Variants in MAN2A1 observed in about 807,000 individuals in gnomAD.
MAN2A1 encodes alpha-mannosidase 2.
Under a neutral mutation model 142.6 loss-of-function variants are expected in MAN2A1, and 76 were observed. The ratio of observed to expected loss-of-function variants is 0.53; its 90% confidence interval spans 0.44 to 0.65. The LOEUF (loss-of-function observed/expected upper bound fraction) is 0.65, where lower values mean the gene tolerates loss of function less well. Ranked by LOEUF, MAN2A1 falls within the 30% of genes least tolerant of loss-of-function variation. The pLI, the probability that MAN2A1 is intolerant of heterozygous loss-of-function variation, is 0.00. For missense variants in MAN2A1, 1,311 were observed against 1,365.1 expected, an observed-to-expected ratio of 0.96 and a Z score of 0.62; for synonymous variants, 559 against 473.2, an observed-to-expected ratio of 1.18 and a Z score of -2.35.
chr5:109,817,855 T>C (rs1754511018), intron 13 of MAN2A1, among the ~76,000 whole-genome samples: 1 of 152,168 alleles, frequency 6.6e-6, no homozygotes, highest in African/African-American at 2.4e-5. Context: ...AGGTTTTCAT[T>C]GCAAAGGTGA....
At chr5:109,829,099 C>T (rs568246710) in intron 16 of MAN2A1, among the ~76,000 whole-genome samples, 48 of 152,274 alleles carry the variant, frequency 3.2e-4, no homozygotes, top group South Asian at 4.1e-4. Context: ...AAGTTCATGA[C>T]GCTTTTGTAA....
At chr5:109,854,030 T>C (rs185048132) in intron 19 of MAN2A1, 1 of 152,306 alleles carries the variant, frequency 6.6e-6, no homozygotes, top group East Asian at 1.9e-4. Context: ...TAATCTGACA[T>C]TCTGAATTTT....
chr5:109,725,436 T>C (rs190885203), intron 3 of MAN2A1, among the ~76,000 whole-genome samples: 1 of 152,314 alleles, frequency 6.6e-6, no homozygotes, highest in Non-Finnish European at 1.5e-5. Context: ...GGCCACTGTT[T>C]AGGCTAGAGA....
chr5:109,750,538 T>C (rs1402246025), intron 4 of MAN2A1, among the ~76,000 whole-genome samples: 3 of 152,066 alleles, frequency 2.0e-5, no homozygotes, highest in African/African-American at 4.8e-5. Flanking sequence ...CCATGGGATG[T>C]TTTGTTCTAT....
intron 16 of MAN2A1, among the ~76,000 whole-genome samples, chr5:109,836,743 T>C (rs1755067275): frequency 6.6e-6 from 1 of 152,184 alleles, no homozygotes; most frequent in Admixed American, 6.5e-5. Flanking sequence ...ATAATATATA[T>C]GTGTACTCTT....
In MAN2A1 at chr5:109,734,791, C is replaced by G. The variant is rs200689668; in HGVS notation, c.707+5278C>G. Among the ~76,000 whole-genome samples, 13 of 152,168 alleles carry G rather than the reference C, an allele frequency of 8.5e-5. No individual in the cohort carries two copies. The East Asian group carries it at 1.5e-3, about 18-fold the overall frequency. ...TTGCTGAGGAGGGCTTTACTTCCAACTATGTGGTCAATTTTGGAATAGGTG... is the reference window on the plus strand; with the variant it reads ...TTGCTGAGGAGGGCTTTACTTCCAAGTATGTGGTCAATTTTGGAATAGGTG... On this transcript the variant is annotated intron_variant, in intron 4 of 21. Coordinates refer to ENST00000261483, the MANE Select transcript of MAN2A1 (RefSeq NM_002372.4).
Position 109,847,810 on chromosome 5 carries a change from ATGATCTGATAT to A in MAN2A1, c.2976+25_2976+35del, listed in dbSNP as rs2112764946. 6.8e-7 allele frequency: 1 copy of A among 1,476,184 alleles called. No homozygotes were observed. Among genetic ancestry groups the A allele is most frequent in the East Asian group, 2.6e-5 (1 of 39,152 alleles). The allele number at this position is 1,476,184 out of a possible 1,614,324, so 91.4% of individuals were successfully genotyped here. ...AATACGGTATGAAAAAATAACTAGCATGATCTGATATTGATTGTTCTTTGTCACCCAAAACT... is the reference window on the plus strand; with the variant it reads ...AATACGGTATGAAAAAATAACTAGCATGATTGTTCTTTGTCACCCAAAACT... On this transcript the variant is annotated intron_variant, in intron 19 of 21. Transcript: ENST00000261483.
At chr5:109,808,179 T>G (rs1373010525) in intron 12 of MAN2A1, among the ~76,000 whole-genome samples, 1 of 152,222 alleles carries the variant, frequency 6.6e-6, no homozygotes, top group Non-Finnish European at 1.5e-5. Flanking sequence ...ATTTCCCGTA[T>G]ATCTGTGTCT....
intron 5 of MAN2A1, among the ~76,000 whole-genome samples, chr5:109,762,751 A>G (rs1304250442): frequency 6.6e-6 from 1 of 152,178 alleles, no homozygotes; most frequent in East Asian, 1.9e-4. Context: ...TCTTTCCTCC[A>G]TCCCAAATAG....
At chr5:109,833,944 C>A (rs1478727829) in intron 16 of MAN2A1, among the ~76,000 whole-genome samples, 2 of 152,166 alleles carry the variant, frequency 1.3e-5, no homozygotes, top group African/African-American at 4.8e-5. Context: ...AAAGTCCAGT[C>A]AGACACCAAT....
intron 3 of MAN2A1, among the ~76,000 whole-genome samples, chr5:109,721,704 C>T (rs898208988): frequency 6.6e-6 from 1 of 152,244 alleles, no homozygotes; most frequent in Non-Finnish European, 1.5e-5. Flanking sequence ...ATGGTTTGGT[C>T]TCTCATTGGA....
At chr5:109,855,593 G>C (rs1361057009) in intron 20 of MAN2A1, among the ~76,000 whole-genome samples, 1 of 152,054 alleles carries the variant, frequency 6.6e-6, no homozygotes, top group Non-Finnish European at 1.5e-5. Flanking sequence ...GGGCAATCTG[G>C]GCCTTAAGTT....
At chr5:109,817,650 A>G (rs1056797111) in intron 13 of MAN2A1, among the ~76,000 whole-genome samples, 11 of 152,264 alleles carry the variant, frequency 7.2e-5, no homozygotes, top group African/African-American at 2.6e-4. Context: ...CTTTGTTAGT[A>G]TATATATTGT....
At position 109,767,726 on chromosome 5, in the gene MAN2A1, A is replaced by T; in HGVS notation, c.1009+18A>T. 1 of 1,602,842 alleles carries T rather than the reference A, an allele frequency of 6.2e-7. No homozygotes were observed. The highest frequency in any genetic ancestry group is 8.5e-7 in the Non-Finnish European group (1 of 1,176,846). ...GAATTGGGGTATGTAGGGTTTGATG[A>T]AAGTTGATCCCATTTGGCCTAGATA... On this transcript the variant is annotated intron_variant, in intron 6 of 21. Coordinates refer to ENST00000261483, the MANE Select transcript of MAN2A1 (RefSeq NM_002372.4).
intron 12 of MAN2A1, among the ~76,000 whole-genome samples, chr5:109,797,979 GA>G: frequency 6.6e-6 from 1 of 152,194 alleles, no homozygotes; most frequent in Non-Finnish European, 1.5e-5. Context: ...TTTTTAAAAA[GA>G]AATTTTAAAA....
intron 12 of MAN2A1, among the ~76,000 whole-genome samples, chr5:109,795,565 C>T (rs1753837499): frequency 6.6e-6 from 1 of 152,088 alleles, no homozygotes; most frequent in Admixed American, 6.6e-5. Flanking sequence ...AAGATGTCCA[C>T]AAACTACAAA....
intron 17 of MAN2A1, among the ~76,000 whole-genome samples, chr5:109,843,700 A>C (rs950271049): frequency 6.6e-6 from 1 of 152,192 alleles, no homozygotes; most frequent in African/African-American, 2.4e-5. Context: ...GAAATGTTTC[A>C]AATTGTAGTA....
intron 5 of MAN2A1, among the ~76,000 whole-genome samples, chr5:109,758,715 CTA>C (rs1752758326): frequency 6.7e-6 from 1 of 148,198 alleles, no homozygotes; most frequent in Admixed American, 6.8e-5. Flanking sequence ...GTTAATATAA[CTA>C]TTAATATAAT....
chr5:109,845,696 T>TTTC (rs1755327501), intron 17 of MAN2A1, among the ~76,000 whole-genome samples, 169 bp from the exon 18 acceptor site: 1 of 152,360 alleles, frequency 6.6e-6, no homozygotes, highest in South Asian at 2.1e-4. Flanking sequence ...CCTTGTGGTT[T>TTTC]TTCTTCATAT....
Sources: allele counts gnomAD v4.1 joint callset (sites outside exome capture counted in the v4.1 genomes callset), GRCh38; gene constraint gnomAD v4.1.1; transcripts MANE v1.5; gene names NCBI Gene and HGNC (gene_info 2026-07-23, HGNC 2026-07-21).